SEMA6A: variants seen among roughly 807,000 people sequenced by gnomAD.
SEMA6A encodes semaphorin 6A, also known as semaphorin-6A.
In SEMA6A, 25 loss-of-function variants were observed where a neutral mutation model predicts 96.8. That is an observed-to-expected ratio of 0.26 (90% CI 0.19 to 0.36). The LOEUF (loss-of-function observed/expected upper bound fraction) is 0.36. Ranked by LOEUF, SEMA6A falls within the 10% of genes least tolerant of loss-of-function variation. The pLI is 1.00. For missense variants in SEMA6A, 1,363 were observed against 1,323.1 expected, an observed-to-expected ratio of 1.03 and a Z score of -0.47; for synonymous variants, 612 against 518.0, an observed-to-expected ratio of 1.18 and a Z score of -2.46.
chr5:116,502,829 A>AGTT (rs1757951565), intron 2 of SEMA6A, among the ~76,000 whole-genome samples: 1 of 152,252 alleles, frequency 6.6e-6, no homozygotes, highest in African/African-American at 2.4e-5. Context: ...ACAGGCGTCC[A>AGTT]GTTGGAATAA....
intron 1 of SEMA6A, among the ~76,000 whole-genome samples, chr5:116,510,201 C>A (rs970101778): frequency 5.9e-5 from 9 of 152,200 alleles, no homozygotes; most frequent in African/African-American, 1.7e-4. Context: ...CAGTTCTAAT[C>A]TGACCACAGA....
chr5:116,504,869 G>A lies in SEMA6A; in HGVS notation c.76C>T (p.Pro26Ser), dbSNP rs1758069114. 1.9e-6 allele frequency: 3 copies of A among 1,601,336 alleles called. No homozygotes were observed. The highest frequency in any genetic ancestry group is 1.7e-6 in the Non-Finnish European group (2 of 1,173,822). ...CAGTTGCCATGCGAAATACTGATTG[G>A]CTCAGAATCTTCTGGGAAACCAGCC... is the stretch of plus-strand genomic sequence containing the variant. ...AGAGFPEDSE[P>S]ISISHGNYTK... The change falls in exon 2 of 19, where the codon CCA becomes TCA. Residue 26 changes from proline to serine, a missense_variant. Pro to Ser is a moderately conservative substitution (Grantham distance 74, BLOSUM62 -1). Transcript: ENST00000343348.
At chr5:116,475,438 G>T in intron 16 of SEMA6A, 107 bp downstream of exon 16, 1 of 672,042 alleles carries the variant, frequency 1.5e-6, no homozygotes. Flanking sequence ...ATTTACGCAT[G>T]CTTTAGTGTC....
chr5:116,452,455 A>G (rs1286176752), intron 18 of SEMA6A, among the ~76,000 whole-genome samples: 2 of 149,868 alleles, frequency 1.3e-5, no homozygotes, highest in Non-Finnish European at 3.0e-5. Context: ...GAGAGTTTTC[A>G]GATGCTGGAG....
intron 1 of SEMA6A, among the ~76,000 whole-genome samples, chr5:116,554,494 A>T (rs1025588994): frequency 6.6e-6 from 1 of 152,344 alleles, no homozygotes; most frequent in Non-Finnish European, 1.5e-5. Context: ...CAGATAAAAT[A>T]AAATACACAC....
intron 1 of SEMA6A, among the ~76,000 whole-genome samples, chr5:116,515,081 CTG>C (rs1561510367): frequency 6.6e-6 from 1 of 152,126 alleles, no homozygotes; most frequent in Non-Finnish European, 1.5e-5. Flanking sequence ...TGACTGTTCA[CTG>C]TGGAGGGGGC....
chr5:116,510,067 C>T (rs577932296), intron 1 of SEMA6A, among the ~76,000 whole-genome samples: 2 of 152,210 alleles, frequency 1.3e-5, no homozygotes, highest in Admixed American at 1.3e-4. Context: ...TTCCATGTAG[C>T]TCTCACTGGA....
chr5:116,468,176 G>A (rs966739303), intron 17 of SEMA6A: 1 of 161,764 alleles, frequency 6.2e-6, no homozygotes, highest in African/African-American at 2.4e-5. Flanking sequence ...AACACAGAAA[G>A]TGTCCACTCT....
At chr5:116,507,237 C>G (rs998026811) in intron 1 of SEMA6A, among the ~76,000 whole-genome samples, 6 of 152,174 alleles carry the variant, frequency 3.9e-5, no homozygotes, top group African/African-American at 1.4e-4. Flanking sequence ...TGAAAGTGCT[C>G]TGGAAGTATT....
intron 6 of SEMA6A, among the ~76,000 whole-genome samples, chr5:116,494,264 C>T (rs912084711): frequency 6.6e-6 from 1 of 152,240 alleles, no homozygotes; most frequent in Non-Finnish European, 1.5e-5. Flanking sequence ...TTTGTTCATG[C>T]TGTTCCCTGC....
intron 1 of SEMA6A, among the ~76,000 whole-genome samples, chr5:116,510,191 C>T (rs991439939): frequency 3.3e-5 from 5 of 152,062 alleles, no homozygotes; most frequent in Admixed American, 6.5e-5. Flanking sequence ...AGTAGATAAG[C>T]AGTTCTAATC....
chr5:116,462,180 A>G (rs796420683), intron 18 of SEMA6A, among the ~76,000 whole-genome samples: 21 of 152,272 alleles, frequency 1.4e-4, no homozygotes, highest in African/African-American at 4.3e-4. Context: ...GAGAGTGTTA[A>G]AATGTAAGAG....
At chr5:116,572,904 C>T (rs559645127) in intron 1 of SEMA6A, among the ~76,000 whole-genome samples, 1 of 152,292 alleles carries the variant, frequency 6.6e-6, no homozygotes, top group South Asian at 2.1e-4. Flanking sequence ...GTCTAGTGAC[C>T]CCGCCGCTGT....
At chr5:116,512,893 C>T (rs978099573) in intron 1 of SEMA6A, among the ~76,000 whole-genome samples, 3 of 152,318 alleles carry the variant, frequency 2.0e-5, no homozygotes, top group Admixed American at 2.0e-4. Flanking sequence ...ACAGTCTCAA[C>T]CAGGCTTACC....
intron 18 of SEMA6A, among the ~76,000 whole-genome samples, chr5:116,462,033 T>C (rs1755438899): frequency 6.6e-6 from 1 of 152,166 alleles, no homozygotes; most frequent in Admixed American, 6.5e-5. Flanking sequence ...TTTCTTCCTT[T>C]ATTACTGTCA....
intron 18 of SEMA6A, among the ~76,000 whole-genome samples, chr5:116,454,009 C>T (rs1303145876): frequency 6.6e-6 from 1 of 152,176 alleles, no homozygotes; most frequent in Non-Finnish European, 1.5e-5. Context: ...AGTAACCTAA[C>T]TCGAAATGGT....
At chr5:116,514,645 A>G (rs1758583899) in intron 1 of SEMA6A, among the ~76,000 whole-genome samples, 1 of 152,224 alleles carries the variant, frequency 6.6e-6, no homozygotes, top group Non-Finnish European at 1.5e-5. Context: ...GCAGCAGCTG[A>G]GAACTCCTGA....
At chr5:116,505,369 G>A (rs1223402625) in intron 1 of SEMA6A, among the ~76,000 whole-genome samples, 1 of 151,734 alleles carries the variant, frequency 6.6e-6, no homozygotes, top group Non-Finnish European at 1.5e-5. Flanking sequence ...CAGCTTCTTT[G>A]TAAAAATCAA....
intron 1 of SEMA6A, among the ~76,000 whole-genome samples, chr5:116,542,714 T>C (rs1760023650): frequency 6.6e-6 from 1 of 152,218 alleles, no homozygotes; most frequent in Non-Finnish European, 1.5e-5. Context: ...AGGGTTACCA[T>C]TATCTTAAAC....
Sources: allele counts gnomAD v4.1 joint callset (sites outside exome capture counted in the v4.1 genomes callset), GRCh38; gene constraint gnomAD v4.1.1; transcripts MANE v1.5; gene names NCBI Gene and HGNC (gene_info 2026-07-23, HGNC 2026-07-21).